The following NPLOC4 variants were observed in gnomAD, a reference collection of about 807,000 sequenced individuals.
The protein encoded by NPLOC4 is nuclear protein localization protein 4 homolog.
NPLOC4 carries 18 observed loss-of-function variants against 80.6 expected under a neutral mutation model. That is an observed-to-expected ratio of 0.22 (90% CI 0.15 to 0.33). NPLOC4 has a LOEUF of 0.33. Among genes scored for constraint, NPLOC4 ranks in the 10% least tolerant of loss-of-function variants. The pLI is 1.00. For synonymous variants in NPLOC4, 313 were observed against 301.5 expected, an observed-to-expected ratio of 1.04 and a Z score of -0.39; for missense variants, 540 against 786.1, an observed-to-expected ratio of 0.69 and a Z score of 3.74.
At chr17:81,605,179 G>T (rs1225262739) in intron 7 of NPLOC4, among the ~76,000 whole-genome samples, 1 of 151,756 alleles carries the variant, frequency 6.6e-6, no homozygotes, top group Non-Finnish European at 1.5e-5. Flanking sequence ...TACTCGGGAG[G>T]CTGAGGCAGG....
At position 81,559,292 on chromosome 17, in the gene NPLOC4, G is replaced by A. The variant is rs373904474; in HGVS notation, c.1794C>T (p.Gly598=). 1.4e-5 allele frequency: 23 copies of A among 1,605,526 alleles called. No homozygotes were observed. Among genetic ancestry groups the A allele is most frequent in the Admixed American group, 1.7e-5 (1 of 58,648 alleles). The change falls in exon 17 of 17, where the codon GGC becomes GGT. Residue 598 remains glycine (G), a synonymous_variant. Coordinates refer to ENST00000331134, the MANE Select transcript of NPLOC4 (RefSeq NM_017921.4). ...HCTFMNQPGT[G]HCEMCSLPRT ...TGGGGAGGCTGCACATCTCGCAGTG[G>A]CCTGTGCCTGGCTGGTTCATGAACG...
chr17:81,623,119 G>C (rs776647142), intron 2 of NPLOC4, among the ~76,000 whole-genome samples: 17 of 150,080 alleles, frequency 1.1e-4, no homozygotes, highest in Non-Finnish European at 1.9e-4. Flanking sequence ...ACTTGAAGCT[G>C]GGAGGCAGAG....
At chr17:81,617,824 G>C (rs1485477155) in intron 3 of NPLOC4, among the ~76,000 whole-genome samples, 1 of 152,192 alleles carries the variant, frequency 6.6e-6, no homozygotes, top group African/African-American at 2.4e-5. Context: ...ACGCCTGACT[G>C]GTTTTCGTAT....
At chr17:81,629,671 G>GT (rs2035882246) in intron 2 of NPLOC4, 54 bp downstream of exon 2, 7 of 1,278,818 alleles carry the variant, frequency 5.5e-6, no homozygotes, top group African/African-American at 1.5e-5. Context: ...ATCGATGGCA[G>GT]TAAGAGTAGA....
At chr17:81,635,225 C>T (rs1323556176) in intron 1 of NPLOC4, among the ~76,000 whole-genome samples, 1 of 151,672 alleles carries the variant, frequency 6.6e-6, no homozygotes, top group Non-Finnish European at 1.5e-5. Context: ...CACCTGCAAC[C>T]CCAGCTACTC....
Position 81,559,192 on chromosome 17 carries a change from C to T in NPLOC4, c.*67G>A. ...ATGGGGCAGTTACAGGGAACACACTCAGCAACGCTTCTGGCTTCAGGAAGG... is the reference window on the plus strand; with the variant it reads ...ATGGGGCAGTTACAGGGAACACACTTAGCAACGCTTCTGGCTTCAGGAAGG... On this transcript the variant is annotated 3_prime_UTR_variant, in exon 17 of 17. Coordinates refer to ENST00000331134, the MANE Select transcript of NPLOC4 (RefSeq NM_017921.4). 1 of 1,498,146 alleles carries T rather than the reference C, an allele frequency of 6.7e-7. No individual in the cohort carries two copies. The highest frequency in any genetic ancestry group is 8.9e-7 in the Non-Finnish European group (1 of 1,117,770). The allele number at this position is 1,498,146 out of a possible 1,614,324, so 92.8% of individuals were successfully genotyped here.
chr17:81,616,189 C>T (rs768482915), intron 3 of NPLOC4, among the ~76,000 whole-genome samples: 72 of 151,468 alleles, frequency 4.8e-4, no homozygotes, highest in Non-Finnish European at 8.5e-4. Flanking sequence ...GGGGTGGTGG[C>T]GGGCACCTGT....
At chr17:81,629,053 T>G (rs532094306) in intron 2 of NPLOC4, among the ~76,000 whole-genome samples, 1 of 152,196 alleles carries the variant, frequency 6.6e-6, no homozygotes, top group East Asian at 1.9e-4. Flanking sequence ...TAATTTTTTG[T>G]ATTTTTACTA....
At chr17:81,613,993 C>A (rs2035409053) in intron 3 of NPLOC4, among the ~76,000 whole-genome samples, 1 of 152,012 alleles carries the variant, frequency 6.6e-6, no homozygotes. Context: ...AAAAGTGTGA[C>A]TGGCCAGGCT....
chr17:81,604,458 C>G, intron 8 of NPLOC4, 90 bp downstream of exon 8: 2 of 1,218,278 alleles, frequency 1.6e-6, no homozygotes, highest in Non-Finnish European at 2.3e-6. Flanking sequence ...GAACAAACAA[C>G]AAAGCGAACA....
In NPLOC4 at chr17:81,585,284, G is replaced by A. The variant is rs149342427; in HGVS notation, c.1281+3660C>T. 2.3e-3 allele frequency among the ~76,000 whole-genome samples: 346 copies of A among 150,796 alleles called. 5 individuals are homozygous for A. Among genetic ancestry groups the A allele is most frequent in the African/African-American group, 8.0e-3 (330 of 41,084 alleles). On this transcript the variant is annotated intron_variant, in intron 12 of 16. Transcript: ENST00000331134. Reference sequence around the variant, plus strand: ...TCCATGATTCCTGGAGATGACCGACGACAGAGAAGCATCAAAGATTAAAAG... The same window carrying A: ...TCCATGATTCCTGGAGATGACCGACAACAGAGAAGCATCAAAGATTAAAAG...
Position 81,567,495 on chromosome 17 carries a change from G to C in NPLOC4, c.1488C>G (p.Thr496=). The change falls in exon 15 of 17, where the codon ACC becomes ACG. Residue 496 remains threonine, a synonymous_variant. Coordinates refer to ENST00000331134, the MANE Select transcript of NPLOC4 (RefSeq NM_017921.4). This position sits in a 1 kb window ranked among gnomAD's most constrained non-coding sequence, Gnocchi z 4.5. ...HSLATYLSQN[T]SSVFLDTISD... ...AGATGGTATCCAAGAACACAGATGA[G>C]GTATTCTGAGACAAATAGGTGGCCA... The C allele has an allele frequency of 6.2e-7, 1 of 1,613,428 alleles. No individual in the cohort carries two copies. Among genetic ancestry groups the C allele is most frequent in the South Asian group, 1.1e-5 (1 of 90,974 alleles).
chr17:81,601,115 T>G (rs545310980), intron 8 of NPLOC4, among the ~76,000 whole-genome samples: 20 of 152,328 alleles, frequency 1.3e-4, no homozygotes, highest in African/African-American at 4.8e-4. Flanking sequence ...GGACCAAGCT[T>G]ACCGAAATCA....
At chr17:81,634,646 C>T (rs762876343) in intron 1 of NPLOC4, among the ~76,000 whole-genome samples, 25 of 150,022 alleles carry the variant, frequency 1.7e-4, no homozygotes, top group Admixed American at 4.0e-4. Flanking sequence ...AGTGCAGTGG[C>T]GCAATCTGGG....
chr17:81,558,558 A>T lies in NPLOC4; in HGVS notation c.*701T>A, dbSNP rs991732337. 32 of 151,838 alleles carry T rather than the reference A, an allele frequency of 2.1e-4. No homozygotes were observed. The highest frequency in any genetic ancestry group is 6.8e-4 in the African/African-American group (28 of 41,376). 9.4% of individuals were successfully genotyped at this position (151,838 alleles called of 1,614,324 possible). On this transcript the variant is annotated 3_prime_UTR_variant, in exon 17 of 17. Coordinates refer to ENST00000331134, the MANE Select transcript of NPLOC4 (RefSeq NM_017921.4). ...AAGGATGTGGAAACTAGTCTCTCTC[A>T]CTCCCCTTTTGTGCAGTTTTTATCT...
Position 81,559,390 on chromosome 17 carries a change from G to A in NPLOC4, c.1696C>T (p.Leu566Phe), listed in dbSNP as rs1024339446. The stretch of plus-strand genomic sequence containing the variant: ...CCCCCGACGGCGCCGTACTCATGGA[G>A]ACCTGGGAGCTGCCCGCCAACTGTG... ...CSTVGGQLPG[L>F]HEYGAVGGST... Residue 566 changes from leucine to phenylalanine, a missense_variant, in exon 17 of 17, where the codon CTC becomes TTC. Physicochemically the swap from Leu to Phe is conservative, Grantham distance 22 (BLOSUM62 0). This residue lies in a region of NPLOC4 where 87 missense variants were observed against 70.3 expected (regional missense o/e 1.24). Transcript: ENST00000331134. The A allele has an allele frequency of 3.1e-6, 5 of 1,610,600 alleles. No homozygotes were observed. Among genetic ancestry groups the A allele is most frequent in the Non-Finnish European group, 4.2e-6 (5 of 1,178,752 alleles).
intron 10 of NPLOC4, among the ~76,000 whole-genome samples, chr17:81,596,802 A>T (rs954036413): frequency 3.9e-5 from 6 of 152,168 alleles, no homozygotes; most frequent in African/African-American, 1.4e-4. Flanking sequence ...ATTGATCAAG[A>T]AGAACTTCTT....
intron 11 of NPLOC4, among the ~76,000 whole-genome samples, chr17:81,592,749 C>T (rs539881192): frequency 3.3e-5 from 5 of 152,178 alleles, no homozygotes; most frequent in African/African-American, 1.2e-4. Flanking sequence ...TTTTTGAGGC[C>T]GAGACAGGCG....
chr17:81,628,571 C>CA (rs908062724), intron 2 of NPLOC4, among the ~76,000 whole-genome samples: 4 of 151,854 alleles, frequency 2.6e-5, no homozygotes, highest in Admixed American at 6.6e-5. Flanking sequence ...ATTTTCAGGT[C>CA]AAAAAAACCC....
Sources: gnomAD v4.1 joint callset for allele counts (sites outside exome capture counted in the v4.1 genomes callset) on GRCh38, gnomAD v4.1.1 for gene constraint, gnomAD v4.1.1 regional missense constraint, Gnocchi (gnomAD v3.1) non-coding constraint, MANE v1.5 for transcripts, NCBI Gene and HGNC (gene_info 2026-07-23, HGNC 2026-07-21) for gene names.